Variants in GZF1 observed in about 807,000 individuals in gnomAD.
GZF1 encodes the protein GDNF inducible zinc finger protein 1.
Under a neutral mutation model 49.4 loss-of-function variants are expected in GZF1, and 28 were observed. That is an observed-to-expected ratio of 0.57 (90% confidence interval 0.42 to 0.78). The LOEUF is 0.78. Ranked by LOEUF, GZF1 falls within the 30% of genes least tolerant of loss-of-function variation. The pLI is 0.00. For synonymous variants in GZF1, 364 were observed against 356.0 expected (o/e 1.02, Z -0.25); for missense variants, 798 against 916.2 (o/e 0.87, Z 1.67).
intron 2 of GZF1, among the ~76,000 whole-genome samples, chr20:23,366,586 A>G (rs1190401967): frequency 2.0e-5 from 3 of 152,228 alleles, no homozygotes; most frequent in Middle Eastern, 3.2e-3. Flanking sequence ...TTAGGAAATG[A>G]GAGTAACATT....
At chr20:23,369,793 C>G (rs769593312) in intron 5 of GZF1, 52 bp downstream of exon 5, 1 of 1,554,048 alleles carries the variant, frequency 6.4e-7, no homozygotes, top group East Asian at 2.3e-5. Context: ...CTTAGATGCA[C>G]GGAAAGAGAA....
intron 2 of GZF1, among the ~76,000 whole-genome samples, chr20:23,366,504 G>T (rs903974106): frequency 6.6e-6 from 1 of 152,176 alleles, no homozygotes; most frequent in African/African-American, 2.4e-5. Flanking sequence ...ACATTAAAAT[G>T]CTTATGCATT....
chr20:23,367,743 A>T (rs183354025), intron 3 of GZF1, among the ~76,000 whole-genome samples: 20 of 152,292 alleles, frequency 1.3e-4, no homozygotes, highest in African/African-American at 4.3e-4. Flanking sequence ...TTTATGATTT[A>T]TTAATTATGT....
intron 4 of GZF1, 136 bp from the exon 5 acceptor site, chr20:23,369,448 C>A: frequency 1.3e-6 from 1 of 761,658 alleles, no homozygotes; most frequent in Non-Finnish European, 2.1e-6. Flanking sequence ...AAGTTGTTCC[C>A]AACATAACCT....
intron 2 of GZF1, among the ~76,000 whole-genome samples, 199 bp from the exon 3 acceptor site, chr20:23,366,804 G>A (rs902144587): frequency 1.3e-5 from 2 of 152,108 alleles, no homozygotes; most frequent in African/African-American, 4.8e-5. Context: ...GTGATTTATG[G>A]AAAATGTGTG....
chr20:23,366,121 C>T (rs556352583), intron 2 of GZF1, among the ~76,000 whole-genome samples: 72 of 152,316 alleles, frequency 4.7e-4, no homozygotes, highest in African/African-American at 1.7e-3. Flanking sequence ...CAGTAGAGAC[C>T]TCAGTGAGAT....
intron 1 of GZF1, 29 bp from the exon 2 acceptor site, chr20:23,364,334 C>T (rs750803117): frequency 5.1e-5 from 68 of 1,335,452 alleles, no homozygotes; most frequent in Non-Finnish European, 6.7e-5. Context: ...AGTGGTTGCT[C>T]ATGCATAATT....
In GZF1 at chr20:23,370,374, TTAG is replaced by T. The variant is rs1460563781; in HGVS notation, c.2070_2072del (p.Ser691del). 1.2e-6 allele frequency: 2 copies of T among 1,614,138 alleles called. No individual in the cohort carries two copies. The highest frequency in any genetic ancestry group is 1.7e-6 in the Non-Finnish European group (2 of 1,179,984). On this transcript the variant is annotated inframe_deletion, in exon 6 of 6. Transcript: ENST00000338121. ...CTCCTGGCCACCACCATCAGTGAGC[TTAG>T]CGAGCTGACCCCACAGACAGACTCG...
In GZF1 at chr20:23,370,154, G is replaced by A. The variant is rs1218432554; in HGVS notation, c.1849G>A (p.Asp617Asn). 9.9e-6 allele frequency: 16 copies of A among 1,614,102 alleles called. No individual in the cohort carries two copies. Among genetic ancestry groups the A allele is most frequent in the Admixed American group, 8.3e-5 (5 of 60,012 alleles). Reference sequence around the variant, plus strand: ...CATTGTAGATGGCTCGCCCAAGAACGATGACGGACACAAGACTGAACAGCC... The same window carrying A: ...CATTGTAGATGGCTCGCCCAAGAACAATGACGGACACAAGACTGAACAGCC... Reference protein sequence around the residue: ...LVIVDGSPKNDDGHKTEQPDE... With the variant: ...LVIVDGSPKNNDGHKTEQPDE... Residue 617 changes from aspartate to asparagine, a missense_variant, in exon 6 of 6, where the codon GAT (aspartate) becomes AAT (asparagine). Physicochemically the swap from Asp to Asn is conservative, Grantham distance 23. Around this residue, in one of 3 missense-constraint regions of GZF1, gnomAD observed 446 missense variants for 540.1 expected, o/e 0.83. Coordinates refer to ENST00000338121, the MANE Select transcript of GZF1 (RefSeq NM_022482.5).
rs535607686 is a variant in GZF1, at chr20:23,363,031, TG to T, written c.-22+798del. ...TTTGTCAGTGTTCTCACAGTTTTAC[TG>T]GGGCGTCTCCTTCAGGCGACATTGA... On this transcript the variant is annotated intron_variant, in intron 1 of 5. Transcript: ENST00000338121. 1.0e-3 allele frequency among the ~76,000 whole-genome samples: 157 copies of T among 152,310 alleles called. 1 individual carries two copies. The highest frequency in any genetic ancestry group is 3.7e-3 in the African/African-American group (152 of 41,582).
rs1981103416 is a variant in GZF1, at chr20:23,364,794, T to C, written c.411T>C (p.Leu137=). 6.2e-7 allele frequency: 1 copy of C among 1,614,126 alleles called. No individual in the cohort carries two copies. The highest frequency in any genetic ancestry group is 1.3e-5 in the African/African-American group (1 of 74,936). ...QLKKQMLESV[L]LELQNFSESQ... is the part of the protein sequence containing the mutation. ...AGAAACAGATGTTAGAGTCAGTACTTTTGGAGTTGCAAAATTTCTCAGAGT... is the reference window on the plus strand; with the variant it reads ...AGAAACAGATGTTAGAGTCAGTACTCTTGGAGTTGCAAAATTTCTCAGAGT... The change falls in exon 2 of 6, where the codon CTT becomes CTC. Residue 137 remains leucine (L), a synonymous_variant. Coordinates refer to ENST00000338121, the MANE Select transcript of GZF1 (RefSeq NM_022482.5).
chr20:23,366,058 C>T (rs913873820), intron 2 of GZF1, among the ~76,000 whole-genome samples: 2 of 152,220 alleles, frequency 1.3e-5, no homozygotes, highest in African/African-American at 4.8e-5. Context: ...TTCTCCTTTC[C>T]TGACTCTTCG....
At chr20:23,365,847 G>C (rs1981300458) in intron 2 of GZF1, 100 bp downstream of exon 2, 1 of 1,416,246 alleles carries the variant, frequency 7.1e-7, no homozygotes, top group Non-Finnish European at 9.2e-7. Context: ...TAATTTCTCC[G>C]CTCCAAACCT....
intron 2 of GZF1, among the ~76,000 whole-genome samples, chr20:23,366,242 C>G (rs1261714249): frequency 6.6e-6 from 1 of 152,176 alleles, no homozygotes; most frequent in African/African-American, 2.4e-5. Flanking sequence ...CTTTCTGTTT[C>G]TTAATATGTT....
In GZF1 at chr20:23,364,880, G is replaced by C; in HGVS notation, c.497G>C (p.Ser166Thr). ...QVSAAPAPRA[S>T]VATDGPHPSG... ...AGTGCTGCTCCTGCCCCCAGGGCAA[G>C]TGTGGCCACCGATGGCCCTCACCCC... The change falls in exon 2 of 6, where the codon AGT (serine) becomes ACT (threonine). Residue 166 changes from serine to threonine, a missense_variant. Coordinates refer to ENST00000338121, the MANE Select transcript of GZF1 (RefSeq NM_022482.5). The C allele has an allele frequency of 1.1e-5, 17 of 1,614,244 alleles. No homozygotes were observed. The highest frequency in any genetic ancestry group is 1.4e-5 in the Non-Finnish European group (17 of 1,180,044).
chr20:23,366,945 A>G (rs1315855458), intron 2 of GZF1, 58 bp from the exon 3 acceptor site: 13 of 1,207,232 alleles, frequency 1.1e-5, no homozygotes, highest in South Asian at 4.9e-5. Flanking sequence ...TGGAAATTGT[A>G]TTGCAAAGTG....
At position 23,370,501 on chromosome 20, in the gene GZF1, T is replaced by C. The variant is rs145624293; in HGVS notation, c.*60T>C. 9.1e-6 allele frequency: 10 copies of C among 1,098,982 alleles called. No individual in the cohort carries two copies. The East Asian group carries it at 1.9e-4, about 21-fold the overall frequency. 68.1% of individuals were successfully genotyped at this position (1,098,982 alleles called of 1,614,324 possible). A position where few individuals can be genotyped will look rare whatever the true frequency, so the allele number is the denominator to read the frequency against. On this transcript the variant is annotated 3_prime_UTR_variant, in exon 6 of 6. Coordinates refer to ENST00000338121, the MANE Select transcript of GZF1 (RefSeq NM_022482.5). ...TGTGTGGTAGCTGAACTCAAGATGATGTGGGGCTAAGAAAAATAATTGTCC... is the reference window on the plus strand; with the variant it reads ...TGTGTGGTAGCTGAACTCAAGATGACGTGGGGCTAAGAAAAATAATTGTCC...
Position 23,365,717 on chromosome 20 carries a change from C to T in GZF1, c.1334C>T (p.Ser445Leu). 6.4e-7 allele frequency: 1 copy of T among 1,552,272 alleles called. No homozygotes were observed. Among genetic ancestry groups the T allele is most frequent in the Non-Finnish European group, 8.7e-7 (1 of 1,154,304 alleles). The stretch of plus-strand genomic sequence containing the variant: ...TGCACCGAGTGCGGCGCCAGGTTCT[C>T]GCAGCCGTCCGCGCTCAAGACGCAC... ...YGCTECGARF[S>L]QPSALKTHMR... Residue 445 changes from serine to leucine, a missense_variant, in exon 2 of 6, where the codon TCG (serine) becomes TTG (leucine). Around this residue, in one of 3 missense-constraint regions of GZF1, gnomAD observed 446 missense variants for 540.1 expected, o/e 0.83. Transcript: ENST00000338121.
intron 4 of GZF1, 65 bp from the exon 5 acceptor site, chr20:23,369,519 G>A: frequency 1.4e-6 from 2 of 1,399,860 alleles, no homozygotes; most frequent in South Asian, 1.4e-5. Context: ...ACTCAAGTGT[G>A]TATTCAGAAT....
Sources: allele counts gnomAD v4.1 joint callset (sites outside exome capture counted in the v4.1 genomes callset), GRCh38; gene constraint gnomAD v4.1.1; regional missense constraint gnomAD v4.1.1; transcripts MANE v1.5; gene names NCBI Gene and HGNC (gene_info 2026-07-23, HGNC 2026-07-21).